Variants in SHANK2 observed in about 807,000 individuals in gnomAD.
SHANK2 encodes SH3 and multiple ankyrin repeat domains protein 2.
In SHANK2, 43 loss-of-function variants were observed where a neutral mutation model predicts 133.7. The observed-to-expected ratio is 0.32, with a 90% confidence interval of 0.25 to 0.41. The LOEUF (loss-of-function observed/expected upper bound fraction) is 0.41, where lower values mean the gene tolerates loss of function less well. Ranked by LOEUF, SHANK2 falls within the 10% of genes least tolerant of loss-of-function variation. The pLI is 1.00. For missense variants in SHANK2, 1,994 were observed against 2,235.8 expected, an observed-to-expected ratio of 0.89 and a Z score of 2.18; for synonymous variants, 1,017 against 952.8, an observed-to-expected ratio of 1.07 and a Z score of -1.24.
intron 17 of SHANK2, among the ~76,000 whole-genome samples, chr11:70,574,585 A>G (rs1260230617): frequency 6.6e-6 from 1 of 152,110 alleles, no homozygotes; most frequent in East Asian, 1.9e-4. Context: ...CCCTTTGCCC[A>G]TGGGGGTGGC....
intron 4 of SHANK2, among the ~76,000 whole-genome samples, chr11:71,115,708 C>T (rs1232462364): frequency 6.6e-6 from 1 of 152,132 alleles, no homozygotes; most frequent in Non-Finnish European, 1.5e-5. Context: ...CTCGAGGTTG[C>T]ACAGCTGCAG....
intron 21 of SHANK2, among the ~76,000 whole-genome samples, chr11:70,497,899 C>G (rs1453868101): frequency 6.6e-6 from 1 of 152,260 alleles, no homozygotes; most frequent in African/African-American, 2.4e-5. Flanking sequence ...CACTGTCCAG[C>G]GAGTTCCTTT....
Position 70,485,557 on chromosome 11 carries a change from G to A in SHANK2, c.4736C>T (p.Pro1579Leu), listed in dbSNP as rs781993277. The A allele has an allele frequency of 3.1e-5, 50 of 1,612,948 alleles. No individual in the cohort carries two copies. The highest frequency in any genetic ancestry group is 1.6e-4 in the Middle Eastern group (1 of 6,082). ...GCCCGGCGGGGGCGGGGGAGCGGGCGGGGGGATAACAAAGCTATCTACATC... is the reference window on the plus strand; with the variant it reads ...GCCCGGCGGGGGCGGGGGAGCGGGCAGGGGGATAACAAAGCTATCTACATC... ...EEDVDSFVIP[P>L]PAPPPPPGSA... The change falls in exon 25 of 26, where the codon CCG becomes CTG. Residue 1579 changes from proline (P) to leucine (L), a missense_variant. Around this residue, in one of 5 missense-constraint regions of SHANK2, gnomAD observed 797 missense variants for 907.4 expected, o/e 0.88. Transcript: ENST00000601538. This position sits in a 1 kb window ranked among gnomAD's most constrained non-coding sequence, Gnocchi z 5.8.
intron 11 of SHANK2, among the ~76,000 whole-genome samples, chr11:70,847,920 T>G (rs1555064074): frequency 1.3e-5 from 2 of 152,236 alleles, no homozygotes; most frequent in Non-Finnish European, 2.9e-5. Flanking sequence ...CCTCCCAGGC[T>G]TCACGGCTAC....
Position 70,500,743 on chromosome 11 carries a change from G to C in SHANK2, c.2288-153C>G. On this transcript the variant is annotated intron_variant, in intron 20 of 25. Transcript: ENST00000601538. The surrounding 1 kb of genome is among the most constrained non-coding windows in gnomAD (Gnocchi z 4.5). ...GGCTGTCTGGAACGCTGCGAACGCA[G>C]GCTGCGCTATCCATGGAGTGGCTTT... The C allele has an allele frequency of 1.0e-6, 1 of 991,464 alleles. No homozygotes were observed. The highest frequency in any genetic ancestry group is 1.6e-6 in the Non-Finnish European group (1 of 635,602). The allele number at this position is 991,464 out of a possible 1,614,324, so 61.4% of individuals were successfully genotyped here.
chr11:70,952,858 A>G (rs1555086988), intron 10 of SHANK2: 2 of 363,984 alleles, frequency 5.5e-6, no homozygotes, highest in Non-Finnish European at 1.2e-5. Context: ...GGTGGCTTCA[A>G]GCAACAAACC....
intron 8 of SHANK2, among the ~76,000 whole-genome samples, chr11:71,084,493 G>A (rs1437032541): frequency 1.3e-5 from 2 of 152,222 alleles, no homozygotes; most frequent in African/African-American, 2.4e-5. Flanking sequence ...GCCTGGCTGT[G>A]GCCGCGCAGG....
At chr11:70,683,416 C>T (rs1945071590) in intron 15 of SHANK2, among the ~76,000 whole-genome samples, 1 of 152,232 alleles carries the variant, frequency 6.6e-6, no homozygotes, top group Non-Finnish European at 1.5e-5. Flanking sequence ...TTTCCTTCCA[C>T]CCCTGGAACT....
At chr11:70,682,256 G>A (rs1183334904) in intron 15 of SHANK2, among the ~76,000 whole-genome samples, 3 of 152,162 alleles carry the variant, frequency 2.0e-5, no homozygotes, top group South Asian at 2.1e-4. Context: ...ACCCCCGGAC[G>A]GTTACTAGGA....
chr11:71,231,829 C>T (rs1555122979), intron 1 of SHANK2, among the ~76,000 whole-genome samples: 1 of 151,788 alleles, frequency 6.6e-6, no homozygotes, highest in Non-Finnish European at 1.5e-5. Flanking sequence ...ACAGAGCTTG[C>T]AGTGAGCCAA....
chr11:70,867,773 C>A (rs556415384), intron 11 of SHANK2, among the ~76,000 whole-genome samples: 2 of 152,240 alleles, frequency 1.3e-5, no homozygotes, highest in African/African-American at 4.8e-5. Flanking sequence ...TTGCCTAGGA[C>A]TCTCTGTGAA....
At chr11:70,837,975 C>CAAAAAAAA (rs55862093) in intron 11 of SHANK2, among the ~76,000 whole-genome samples, 6 of 25,168 alleles carry the variant, frequency 2.4e-4, no homozygotes, top group Non-Finnish European at 4.9e-4. Context: ...CATTCTGTCT[C>CAAAAAAAA]AAAAAAAAAA....
chr11:70,528,433 G>A (rs940276911), intron 17 of SHANK2, among the ~76,000 whole-genome samples: 2 of 152,162 alleles, frequency 1.3e-5, no homozygotes, highest in South Asian at 4.1e-4. Flanking sequence ...GGTCCCACAA[G>A]AACACCCCAG....
intron 10 of SHANK2, among the ~76,000 whole-genome samples, chr11:70,917,843 G>A (rs1477901843): frequency 6.6e-6 from 1 of 152,108 alleles, no homozygotes; most frequent in Non-Finnish European, 1.5e-5. Flanking sequence ...AACAGACACA[G>A]GAGCCTTTCA....
chr11:70,844,411 C>A (rs529103435), intron 11 of SHANK2, among the ~76,000 whole-genome samples: 2 of 152,252 alleles, frequency 1.3e-5, no homozygotes, highest in East Asian at 3.9e-4. Context: ...CCTTCACAGC[C>A]AGCATTCTCG....
chr11:70,755,073 C>CTT (rs1190667411), intron 14 of SHANK2, among the ~76,000 whole-genome samples: 7 of 145,562 alleles, frequency 4.8e-5, no homozygotes, highest in Admixed American at 1.4e-4. Flanking sequence ...TGTTCATAAT[C>CTT]TTTTTTTTTT....
intron 17 of SHANK2, among the ~76,000 whole-genome samples, chr11:70,605,760 T>G (rs1420308894): frequency 2.0e-5 from 3 of 152,184 alleles, no homozygotes; most frequent in African/African-American, 7.2e-5. Flanking sequence ...CATTTCTTGA[T>G]GTTTTCCTCC....
At chr11:70,726,194 C>T (rs1946178624) in intron 14 of SHANK2, among the ~76,000 whole-genome samples, 1 of 152,160 alleles carries the variant, frequency 6.6e-6, no homozygotes, top group Admixed American at 6.5e-5. Context: ...ACAGAAGCAG[C>T]GAGTACAGAG....
intron 2 of SHANK2, among the ~76,000 whole-genome samples, chr11:71,199,351 C>G (rs1390125767): frequency 3.9e-5 from 6 of 152,248 alleles, no homozygotes; most frequent in African/African-American, 1.4e-4. Flanking sequence ...AACTGTGTCA[C>G]TACCTGTAGG....
Sources: allele counts gnomAD v4.1 joint callset (sites outside exome capture counted in the v4.1 genomes callset), GRCh38; gene constraint gnomAD v4.1.1; regional missense constraint gnomAD v4.1.1; non-coding constraint Gnocchi (gnomAD v3.1); transcripts MANE v1.5; gene names NCBI Gene and HGNC (gene_info 2026-07-23, HGNC 2026-07-21).